LRRTM4: variants seen among roughly 807,000 people sequenced by gnomAD.
LRRTM4 encodes leucine rich repeat transmembrane neuronal 4.
A neutral mutation model predicts 47.6 loss-of-function variants in LRRTM4; 25 were observed. The ratio of observed to expected loss-of-function variants is 0.53; its 90% CI spans 0.38 to 0.73. LRRTM4 has a LOEUF of 0.73. Ranked by LOEUF, LRRTM4 falls within the 30% of genes least tolerant of loss-of-function variation. The probability of loss-of-function intolerance (pLI) is 0.00; values close to 1 mark genes in which losing one functional copy is unlikely to be tolerated. For missense variants in LRRTM4, 638 were observed against 713.4 expected (o/e 0.89, Z 1.20); for synonymous variants, 311 against 269.5 (o/e 1.15, Z -1.51).
intron 3 of LRRTM4, among the ~76,000 whole-genome samples, chr2:77,400,055 C>T (rs548924331): frequency 7.9e-5 from 12 of 151,888 alleles, no homozygotes; most frequent in African/African-American, 2.6e-4. Context: ...ATCTGACGCT[C>T]CCCTCCACCT....
At chr2:77,509,251 A>G (rs1678892887) in intron 3 of LRRTM4, among the ~76,000 whole-genome samples, 1 of 149,794 alleles carries the variant, frequency 6.7e-6, no homozygotes, top group Non-Finnish European at 1.5e-5. Flanking sequence ...AAAAAAGCCA[A>G]AAACAAACAA....
At chr2:76,900,638 T>C (rs1248999966) in intron 3 of LRRTM4, among the ~76,000 whole-genome samples, 1 of 152,136 alleles carries the variant, frequency 6.6e-6, no homozygotes, top group African/African-American at 2.4e-5. Context: ...CAGTTAAAGA[T>C]TTATGTGAAA....
At chr2:77,035,530 ATTAAAATAGTGTTTTGCTTTTCTT>A (rs998121962) in intron 3 of LRRTM4, among the ~76,000 whole-genome samples, 5 of 151,934 alleles carry the variant, frequency 3.3e-5, no homozygotes, top group African/African-American at 1.2e-4. Context: ...CATTTTTTAA[ATTAAAATAGTGTTTTGCTTTTCTT>A]TTAACATAAA....
At chr2:77,194,036 T>C (rs1049960070) in intron 3 of LRRTM4, among the ~76,000 whole-genome samples, 1 of 152,186 alleles carries the variant, frequency 6.6e-6, no homozygotes, top group Non-Finnish European at 1.5e-5. Context: ...TCTTCCAGTA[T>C]TCAGTTATAG....
intron 3 of LRRTM4, among the ~76,000 whole-genome samples, chr2:77,325,205 A>T (rs190105752): frequency 1.3e-4 from 20 of 152,296 alleles, no homozygotes; most frequent in Non-Finnish European, 2.4e-4. Flanking sequence ...AATATTTTCT[A>T]TATCCAAATC....
At chr2:77,464,660 T>C (rs1223006897) in intron 3 of LRRTM4, among the ~76,000 whole-genome samples, 1 of 152,118 alleles carries the variant, frequency 6.6e-6, no homozygotes, top group African/African-American at 2.4e-5. Flanking sequence ...GCACGTTTTG[T>C]TCTTCAGAAC....
At chr2:77,362,161 GAAA>G (rs1488836679) in intron 3 of LRRTM4, among the ~76,000 whole-genome samples, 7 of 151,510 alleles carry the variant, frequency 4.6e-5, no homozygotes, top group African/African-American at 9.7e-5. Context: ...AAGAAAGAAA[GAAA>G]GAAAGAAAGG....
At chr2:77,245,563 T>C (rs973084587) in intron 3 of LRRTM4, among the ~76,000 whole-genome samples, 2 of 149,132 alleles carry the variant, frequency 1.3e-5, no homozygotes, top group Non-Finnish European at 3.0e-5. Flanking sequence ...GAAGAGAAAG[T>C]TTATTGATGT....
chr2:77,082,095 G>C (rs1441179384), intron 3 of LRRTM4, among the ~76,000 whole-genome samples: 2 of 152,108 alleles, frequency 1.3e-5, no homozygotes, highest in East Asian at 1.9e-4. Flanking sequence ...TATCTTTCAA[G>C]AAAACAAGTA....
intron 3 of LRRTM4, among the ~76,000 whole-genome samples, chr2:77,477,798 C>T (rs1677464753): frequency 7.2e-6 from 1 of 138,476 alleles, no homozygotes; most frequent in South Asian, 2.3e-4. Context: ...CAGATCGCAC[C>T]ATCACACTCC....
At chr2:77,349,287 A>G (rs1375465082) in intron 3 of LRRTM4, among the ~76,000 whole-genome samples, 1 of 152,054 alleles carries the variant, frequency 6.6e-6, no homozygotes, top group African/African-American at 2.4e-5. Flanking sequence ...GTTACTTAGA[A>G]AAACAGATGG....
intron 3 of LRRTM4, among the ~76,000 whole-genome samples, chr2:76,807,739 G>C (rs974509659): frequency 2.0e-5 from 3 of 149,002 alleles, no homozygotes. Flanking sequence ...TTACAGGCAT[G>C]TGCCTCCACA....
Position 77,421,620 on chromosome 2 carries a change from T to C in LRRTM4, c.1551+96698A>G, listed in dbSNP as rs1010719580. Among the ~76,000 whole-genome samples, 36 of 151,684 alleles carry C rather than the reference T, an allele frequency of 2.4e-4. 1 individual carries two copies. Among genetic ancestry groups the C allele is most frequent in the Non-Finnish European group, 1.2e-4 (8 of 67,974 alleles). The stretch of plus-strand genomic sequence containing the variant: ...TACTCGGGAGGCTGAAGCAGGAGAA[T>C]GGCGTGAACCCGGGAGGCGGAGCTT... On this transcript the variant is annotated intron_variant, in intron 3 of 3. Coordinates refer to ENST00000409884, the MANE Select transcript of LRRTM4 (RefSeq NM_001134745.3).
intron 3 of LRRTM4, among the ~76,000 whole-genome samples, chr2:77,479,650 A>T (rs1446113369): frequency 6.6e-6 from 1 of 152,092 alleles, no homozygotes; most frequent in Non-Finnish European, 1.5e-5. Context: ...TTAGGAAAGG[A>T]ATCCTGCCAA....
intron 3 of LRRTM4, among the ~76,000 whole-genome samples, chr2:76,796,535 C>G (rs1199467447): frequency 7.9e-6 from 1 of 126,104 alleles, no homozygotes; most frequent in Non-Finnish European, 1.6e-5. Flanking sequence ...GGGAGGCACC[C>G]CCAAGCACGG....
At chr2:77,425,045 T>C (rs1675052199) in intron 3 of LRRTM4, among the ~76,000 whole-genome samples, 1 of 152,134 alleles carries the variant, frequency 6.6e-6, no homozygotes, top group Non-Finnish European at 1.5e-5. Flanking sequence ...AAAAAACTAT[T>C]CCAATTACAA....
rs185518188 is a variant in LRRTM4 at position 77,131,218 on chromosome 2, C to T, written c.1552-382302G>A. 6.3e-4 allele frequency among the ~76,000 whole-genome samples: 96 copies of T among 152,124 alleles called. No homozygotes were observed. The East Asian group carries it at 0.014, about 21-fold the overall frequency. ...TATCTGAATGTGTGCTAAACAAAGC[C>T]GCAAGTAAATGATTTATAGGCATTT... On this transcript the variant is annotated intron_variant, in intron 3 of 3. Coordinates refer to ENST00000409884, the MANE Select transcript of LRRTM4 (RefSeq NM_001134745.3).
At chr2:77,312,629 C>T (rs1219849075) in intron 3 of LRRTM4, among the ~76,000 whole-genome samples, 7 of 152,032 alleles carry the variant, frequency 4.6e-5, no homozygotes, top group East Asian at 1.9e-4. Context: ...GCACACCACA[C>T]GCGTGCACAC....
At chr2:77,482,302 G>T (rs1440885224) in intron 3 of LRRTM4, among the ~76,000 whole-genome samples, 1 of 152,114 alleles carries the variant, frequency 6.6e-6, no homozygotes, top group Non-Finnish European at 1.5e-5. Flanking sequence ...CAAGGCATTG[G>T]ATTGTAAATT....
Sources: gnomAD v4.1 joint callset for allele counts (sites outside exome capture counted in the v4.1 genomes callset) on GRCh38, gnomAD v4.1.1 for gene constraint, MANE v1.5 for transcripts, NCBI Gene and HGNC (gene_info 2026-07-23, HGNC 2026-07-21) for gene names.